The following MAPK12 variants were observed in gnomAD, a reference collection of about 807,000 sequenced individuals.
MAPK12 encodes the protein MAP kinase 12.
MAPK12 carries 49 observed loss-of-function variants against 49.1 expected under a neutral mutation model. The observed-to-expected ratio is 1.00, with a 90% confidence interval of 0.79 to 1.27. The LOEUF (loss-of-function observed/expected upper bound fraction) is 1.27. Among genes scored for constraint, MAPK12 ranks in the 50% most tolerant of loss-of-function variants. The probability of loss-of-function intolerance (pLI) is 0.00; values close to 1 mark genes in which losing one functional copy is unlikely to be tolerated. For synonymous variants in MAPK12, 251 were observed against 209.7 expected, an observed-to-expected ratio of 1.20 and a Z score of -1.70; for missense variants, 554 against 502.4, an observed-to-expected ratio of 1.10 and a Z score of -0.98.
At chr22:50,258,038 G>C in intron 3 of MAPK12, 1 of 724,156 alleles carries the variant, frequency 1.4e-6, no homozygotes, top group East Asian at 2.6e-5. Context: ...CCCCAGCTCT[G>C]CCCAGCTGTG....
chr22:50,253,476 A>C lies in MAPK12; in HGVS notation c.1029T>G (p.Val343=). Residue 343 remains valine (V), a synonymous_variant, in exon 12 of 12, where the codon GTT becomes GTG. Coordinates refer to ENST00000215659, the MANE Select transcript of MAPK12 (RefSeq NM_002969.6). ...TGAAGCTGAGCACCTCTTTGTAAGT[A>C]ACACCTGGCGGGGGTGGGGGGGCGG... ...VDRTLDEWKR[V]TYKEVLSFKP... The C allele has an allele frequency of 1.4e-6, 1 of 701,062 alleles. No homozygotes were observed. Among genetic ancestry groups the C allele is most frequent in the Non-Finnish European group, 2.2e-6 (1 of 462,498 alleles). 43.4% of individuals were successfully genotyped at this position (701,062 alleles called of 1,614,324 possible).
chr22:50,257,868 C>T (rs765565951), intron 3 of MAPK12: 8 of 757,600 alleles, frequency 1.1e-5, no homozygotes, highest in South Asian at 9.9e-5. Flanking sequence ...ACCGCTTCTC[C>T]CCCACCCGCT....
chr22:50,253,495 G>C lies in MAPK12; in HGVS notation c.1025-15C>G. ...GTAAGTAACACCTGGCGGGGGTGGG[G>C]GGGCGGGCACAACAGAGAGGGGGGT... On this transcript the variant is annotated splice_polypyrimidine_tract_variant and intron_variant, in intron 11 of 11. Transcript: ENST00000215659. 1 of 483,582 alleles carries C rather than the reference G, an allele frequency of 2.1e-6. No homozygotes were observed. Among genetic ancestry groups the C allele is most frequent in the Non-Finnish European group, 4.2e-6 (1 of 239,724 alleles). 30.0% of individuals were successfully genotyped at this position (483,582 alleles called of 1,614,324 possible).
intron 2 of MAPK12, among the ~76,000 whole-genome samples, chr22:50,260,660 A>C (rs1257253929): frequency 6.6e-6 from 1 of 152,136 alleles, no homozygotes; most frequent in Non-Finnish European, 1.5e-5. Flanking sequence ...TGAGGGTTCA[A>C]CACACTCCCT....
chr22:50,259,711 C>T (rs1414353509), intron 2 of MAPK12, among the ~76,000 whole-genome samples: 1 of 151,926 alleles, frequency 6.6e-6, no homozygotes. Context: ...AGTGAAACCT[C>T]ATCTCAACTA....
In MAPK12 at chr22:50,256,947, G is replaced by T. The variant is rs1427686726; in HGVS notation, c.444C>A (p.Gly148=). ...CACCGGGACTCACTCTGTGGATGAT[G>T]CCGGCAGCGTGGATATACTGCGGGG... is the stretch of plus-strand genomic sequence containing the variant. The part of the protein sequence containing the change: ...LKGLRYIHAA[G]IIHRDLKPGN... Residue 148 remains glycine (G), a synonymous_variant, in exon 5 of 12, where the codon GGC becomes GGA. Coordinates refer to ENST00000215659, the MANE Select transcript of MAPK12 (RefSeq NM_002969.6). 7 of 1,606,536 alleles carry T rather than the reference G, an allele frequency of 4.4e-6. No homozygotes were observed. Among genetic ancestry groups the T allele is most frequent in the Non-Finnish European group, 5.9e-6 (7 of 1,178,374 alleles).
intron 3 of MAPK12, chr22:50,257,834 G>C: frequency 1.4e-6 from 1 of 724,366 alleles, no homozygotes; most frequent in South Asian, 1.5e-5. Context: ...CGGCTGCAGG[G>C]CAGGGGCAGG....
intron 2 of MAPK12, among the ~76,000 whole-genome samples, chr22:50,259,074 C>T (rs748960447): frequency 1.1e-4 from 16 of 152,204 alleles, no homozygotes; most frequent in Non-Finnish European, 2.4e-4. Context: ...TCCCAAGAGA[C>T]GGGGACGATT....
chr22:50,255,893 G>A lies in MAPK12; in HGVS notation c.620-12C>T, dbSNP rs1415459844. The A allele has an allele frequency of 6.2e-7, 1 of 1,611,444 alleles. No homozygotes were observed. Among genetic ancestry groups the A allele is most frequent in the African/African-American group, 1.3e-5 (1 of 75,024 alleles). On this transcript the variant is annotated splice_polypyrimidine_tract_variant and intron_variant, in intron 7 of 11. Transcript: ENST00000215659. ...AGACCAGATGTCCACTGAGATAGAA[G>A]CCCTGGTCAGCTCCGTGGGCAGGGG... is the stretch of plus-strand genomic sequence containing the variant.
intron 2 of MAPK12, among the ~76,000 whole-genome samples, chr22:50,259,427 G>A (rs1403041576): frequency 6.6e-6 from 1 of 152,172 alleles, no homozygotes; most frequent in East Asian, 1.9e-4. Context: ...GCCTGTGGCA[G>A]AGCCTCCTCC....
chr22:50,258,946 T>C (rs967228433), intron 2 of MAPK12, among the ~76,000 whole-genome samples: 4 of 151,856 alleles, frequency 2.6e-5, no homozygotes, highest in Non-Finnish European at 4.4e-5. Context: ...CACACTTGGA[T>C]AGTTTGAAGA....
chr22:50,253,767 C>G, intron 11 of MAPK12: 1 of 512,542 alleles, frequency 2.0e-6, no homozygotes, highest in Non-Finnish European at 3.5e-6. Flanking sequence ...AGAGAGGATC[C>G]TATGGCCCAT....
At position 50,255,876 on chromosome 22, in the gene MAPK12, T is replaced by C. The variant is rs766968717; in HGVS notation, c.625A>G (p.Ile209Val). 1 of 1,612,610 alleles carries C rather than the reference T, an allele frequency of 6.2e-7. No individual in the cohort carries two copies. The highest frequency in any genetic ancestry group is 8.5e-7 in the Non-Finnish European group (1 of 1,179,884). The change falls in exon 8 of 12, where the codon ATC becomes GTC. Residue 209 changes from isoleucine (I) to valine (V), a missense_variant. Coordinates refer to ENST00000215659, the MANE Select transcript of MAPK12 (RefSeq NM_002969.6). ...GCCATGATGCAGCCCACAGACCAGATGTCCACTGAGATAGAAGCCCTGGTC... is the reference window on the plus strand; with the variant it reads ...GCCATGATGCAGCCCACAGACCAGACGTCCACTGAGATAGAAGCCCTGGTC... Reference protein sequence around the residue: ...NWMRYTQTVDIWSVGCIMAEM... With the variant: ...NWMRYTQTVDVWSVGCIMAEM...
intron 11 of MAPK12, 28 bp from the exon 12 acceptor site, chr22:50,253,508 C>G: frequency 4.3e-6 from 4 of 929,492 alleles, no homozygotes; most frequent in South Asian, 1.4e-5. Flanking sequence ...GCGGGCACAA[C>G]AGAGAGGGGG....
In MAPK12 at chr22:50,255,818, C is replaced by T; in HGVS notation, c.683G>A (p.Gly228Asp). Reference sequence around the variant, plus strand: ...CTGCGGCTGGAGGATACGGTCGCTGCCCTTGAACAGCGTCTTGCCTGTGAT... The same window carrying T: ...CTGCGGCTGGAGGATACGGTCGCTGTCCTTGAACAGCGTCTTGCCTGTGAT... ...EMITGKTLFK[G>D]SDHLDQLKEI... The change falls in exon 8 of 12, where the codon GGC becomes GAC. Residue 228 changes from glycine to aspartate, a missense_variant. By Grantham distance (94) the Gly-to-Asp change is moderately conservative (BLOSUM62 -1). Transcript: ENST00000215659. The T allele has an allele frequency of 6.2e-7, 1 of 1,612,686 alleles. No homozygotes were observed. The highest frequency in any genetic ancestry group is 1.3e-5 in the African/African-American group (1 of 75,040).
At chr22:50,257,566 C>T (rs766578352) in intron 3 of MAPK12, 158 of 535,698 alleles carry the variant, frequency 2.9e-4, no homozygotes, top group Middle Eastern at 9.9e-4. Flanking sequence ...GGGAGGGAGG[C>T]AGTCAGGTTT....
Position 50,253,485 on chromosome 22 carries a change from CGGGGGTGGGGGGGCGGG to C in MAPK12, c.1025-22_1025-6del. 1.1e-5 allele frequency: 1 copy of C among 94,188 alleles called. No homozygotes were observed. Among genetic ancestry groups the C allele is most frequent in the Non-Finnish European group, 1.5e-5 (1 of 68,840 alleles). 5.8% of individuals were successfully genotyped at this position (94,188 alleles called of 1,614,324 possible). On this transcript the variant is annotated splice_region_variant and splice_polypyrimidine_tract_variant and intron_variant, in intron 11 of 11. Transcript: ENST00000215659. ...GCACCTCTTTGTAAGTAACACCTGG[CGGGGGTGGGGGGGCGGG>C]CACAACAGAGAGGGGGGTCAGCCTT...
intron 11 of MAPK12, 22 bp from the exon 12 acceptor site, chr22:50,253,502 G>GGGGGCCCCCCCCCCCC: frequency 5.8e-6 from 1 of 171,654 alleles, no homozygotes; most frequent in East Asian, 1.5e-4. Context: ...GGGGGGGCGG[G>GGGGGCCCCCCCCCCCC]CACAACAGAG....
chr22:50,254,594 G>A lies in MAPK12; in HGVS notation c.1024+603C>T, dbSNP rs1016723179. 8.4e-6 allele frequency: 8 copies of A among 948,026 alleles called. No individual in the cohort carries two copies. The African/African-American group carries it at 1.4e-4, about 17-fold the overall frequency. The allele number at this position is 948,026 out of a possible 1,614,324, so 58.7% of individuals were successfully genotyped here. ...GTGTACCCGGGAGACGGAGCTTGCA[G>A]TGAGTCAAGATCGTGCCACTGCCCT... On this transcript the variant is annotated intron_variant, in intron 11 of 11. Coordinates refer to ENST00000215659, the MANE Select transcript of MAPK12 (RefSeq NM_002969.6).
Sources: gnomAD v4.1 joint callset for allele counts (sites outside exome capture counted in the v4.1 genomes callset) on GRCh38, gnomAD v4.1.1 for gene constraint, MANE v1.5 for transcripts, NCBI Gene and HGNC (gene_info 2026-07-23, HGNC 2026-07-21) for gene names.